ARID1B: variants seen among roughly 807,000 people sequenced by gnomAD.
The protein encoded by ARID1B is AT-rich interactive domain-containing protein 1B.
In ARID1B, 30 loss-of-function variants were observed where a neutral mutation model predicts 212.3. The ratio of observed to expected loss-of-function variants is 0.14; its 90% CI spans 0.11 to 0.19. The LOEUF is 0.19. Ranked by LOEUF, ARID1B falls within the 10% of genes least tolerant of loss-of-function variation. ARID1B has a pLI of 1.00. For missense variants in ARID1B, 2,891 were observed against 3,204.0 expected (o/e 0.90, Z 2.36); for synonymous variants, 1,402 against 1,301.7 (o/e 1.08, Z -1.66).
At chr6:156,977,910 T>C (rs1239536031) in intron 4 of ARID1B, among the ~76,000 whole-genome samples, 1 of 152,228 alleles carries the variant, frequency 6.6e-6, no homozygotes, top group Non-Finnish European at 1.5e-5. Context: ...GGGTCTGCAC[T>C]GATTCTGCCC....
intron 2 of ARID1B, among the ~76,000 whole-genome samples, chr6:156,897,264 C>CTTCTTCTTCTTCTTCTTCTTATTATTA (rs71027320): frequency 1.1e-3 from 94 of 83,570 alleles, no homozygotes; most frequent in Non-Finnish European, 1.7e-3. Flanking sequence ...TCTTCTTCTT[C>CTTCTTCTTCTTCTTCTTCTTATTATTA]TTATTATTAT....
intron 2 of ARID1B, among the ~76,000 whole-genome samples, chr6:156,885,998 T>G (rs1787471926): frequency 6.6e-6 from 1 of 152,230 alleles, no homozygotes. Context: ...TCAGAGGAGA[T>G]GCTTATTGGA....
At position 156,807,449 on chromosome 6, in the gene ARID1B, G is replaced by GTT. The variant is rs34102389; in HGVS notation, c.1792-21766_1792-21765dup. On this transcript the variant is annotated intron_variant, in intron 1 of 19. Coordinates refer to ENST00000636930, the MANE Select transcript of ARID1B (RefSeq NM_001374828.1). ...TAGAGTTTTGAGGTTTTTTCTTAAGGTTTTTTTTTTTTTGAAAAAGAGAGT... is the reference window on the plus strand; with the variant it reads ...TAGAGTTTTGAGGTTTTTTCTTAAGGTTTTTTTTTTTTTTTGAAAAAGAGAGT... 5.9e-4 allele frequency among the ~76,000 whole-genome samples: 84 copies of GTT among 142,340 alleles called. 1 individual carries two copies. The highest frequency in any genetic ancestry group is 3.6e-3 in the Middle Eastern group (1 of 276). The allele number at this position is 142,340 out of a possible 152,430, so 93.4% of individuals were successfully genotyped here.
chr6:156,863,114 A>G (rs888526529), intron 2 of ARID1B, among the ~76,000 whole-genome samples: 3 of 152,170 alleles, frequency 2.0e-5, no homozygotes, highest in Non-Finnish European at 2.9e-5. Flanking sequence ...AATGCCTGAA[A>G]TTAGCATGTT....
chr6:156,956,962 A>G (rs1165858407), intron 4 of ARID1B, among the ~76,000 whole-genome samples: 2 of 152,258 alleles, frequency 1.3e-5, no homozygotes, highest in African/African-American at 4.8e-5. Context: ...ATCTTATTAC[A>G]GACTGAATTT....
rs1320797674 is a variant in ARID1B at position 157,094,848 on chromosome 6, C to T, written c.2491+9943C>T. On this transcript the variant is annotated intron_variant, in intron 5 of 19. Coordinates refer to ENST00000636930, the MANE Select transcript of ARID1B (RefSeq NM_001374828.1). The surrounding 1 kb of genome is among the most constrained non-coding windows in gnomAD (Gnocchi z 4.3). ...GTGTTGATGGCCGCTTGGATGTGCA[C>T]ATAGCGGGAGTAGTGGCAGAAGGAG... Among the ~76,000 whole-genome samples, 1 of 152,134 alleles carries T rather than the reference C, an allele frequency of 6.6e-6. No individual in the cohort carries two copies. Among genetic ancestry groups the T allele is most frequent in the African/African-American group, 2.4e-5 (1 of 41,410 alleles).
intron 4 of ARID1B, among the ~76,000 whole-genome samples, chr6:157,040,831 G>A (rs970604075): frequency 2.0e-5 from 3 of 152,182 alleles, no homozygotes; most frequent in Non-Finnish European, 4.4e-5. Flanking sequence ...CTCATTTAAA[G>A]GTAACTTAGA....
At chr6:157,178,554 C>T (rs147161071) in intron 11 of ARID1B, among the ~76,000 whole-genome samples, 2 of 152,328 alleles carry the variant, frequency 1.3e-5, no homozygotes, top group East Asian at 3.9e-4. Flanking sequence ...AAACTGAGGC[C>T]TGACCGTGTC....
At chr6:157,082,309 C>T (rs1483803551) in intron 4 of ARID1B, among the ~76,000 whole-genome samples, 3 of 152,076 alleles carry the variant, frequency 2.0e-5, no homozygotes, top group Non-Finnish European at 4.4e-5. Flanking sequence ...GGTCAGCAAG[C>T]TTTTTCCGTT....
intron 2 of ARID1B, among the ~76,000 whole-genome samples, chr6:156,842,584 A>G (rs1562427945): frequency 1.3e-5 from 2 of 152,198 alleles, no homozygotes; most frequent in African/African-American, 4.8e-5. Flanking sequence ...GTGTACAGGT[A>G]TTTGTTTGAA....
chr6:157,165,918 A>C (rs1372285233), intron 8 of ARID1B: 1 of 152,206 alleles, frequency 6.6e-6, no homozygotes. Flanking sequence ...TAAAATGCCA[A>C]CTATTATACC....
chr6:156,943,403 T>C (rs1792823508), intron 4 of ARID1B: 1 of 147,928 alleles, frequency 6.8e-6, no homozygotes, highest in African/African-American at 2.5e-5. Flanking sequence ...AAGCCTGGAA[T>C]AAAAGAGGAG....
At chr6:157,009,420 C>T (rs753486486) in intron 4 of ARID1B, among the ~76,000 whole-genome samples, 8 of 152,008 alleles carry the variant, frequency 5.3e-5, no homozygotes, top group Admixed American at 1.3e-4. Context: ...GACAGAATAG[C>T]GGAAAAGTTG....
intron 4 of ARID1B, among the ~76,000 whole-genome samples, chr6:156,992,828 G>A (rs1366228345): frequency 2.0e-5 from 3 of 152,158 alleles, no homozygotes; most frequent in East Asian, 3.9e-4. Flanking sequence ...GGGAGCCGCC[G>A]GCTGCAGACT....
At chr6:157,152,014 A>G (rs764214540) in intron 8 of ARID1B, 3 of 152,382 alleles carry the variant, frequency 2.0e-5, no homozygotes, top group South Asian at 2.1e-4. Context: ...TAACAAATAT[A>G]GAATGAGGTA....
intron 4 of ARID1B, among the ~76,000 whole-genome samples, chr6:157,043,065 A>C (rs572361224): frequency 1.3e-5 from 2 of 152,230 alleles, no homozygotes; most frequent in Non-Finnish European, 2.9e-5. Flanking sequence ...GTATCTGAAC[A>C]TAAGATGTTA....
At position 156,877,775 on chromosome 6, in the gene ARID1B, T is replaced by C. The variant is rs1583200986; in HGVS notation, c.1987-23601T>C. 2.0e-5 allele frequency among the ~76,000 whole-genome samples: 3 copies of C among 151,792 alleles called. No homozygotes were observed. In the East Asian group the frequency reaches 5.8e-4, roughly 29 times the overall value. On this transcript the variant is annotated intron_variant, in intron 2 of 19. Coordinates refer to ENST00000636930, the MANE Select transcript of ARID1B (RefSeq NM_001374828.1). ...CCCAGGCTGAAGTGCAGTGGTGCCA[T>C]CTTGGCTCACTGCAACCTCTGCTGC... is the stretch of plus-strand genomic sequence containing the variant.
intron 4 of ARID1B, among the ~76,000 whole-genome samples, chr6:157,018,544 C>T (rs942212444): frequency 6.6e-6 from 1 of 152,168 alleles, no homozygotes; most frequent in Non-Finnish European, 1.5e-5. Context: ...TAAAACTCTG[C>T]TTCCTGGAGA....
At chr6:157,041,967 T>C (rs1260661349) in intron 4 of ARID1B, among the ~76,000 whole-genome samples, 1 of 152,164 alleles carries the variant, frequency 6.6e-6, no homozygotes, top group African/African-American at 2.4e-5. Flanking sequence ...ACTTCTTCCT[T>C]GGCACACTCT....
Sources: allele counts gnomAD v4.1 joint callset (sites outside exome capture counted in the v4.1 genomes callset), GRCh38; gene constraint gnomAD v4.1.1; non-coding constraint Gnocchi (gnomAD v3.1); transcripts MANE v1.5; gene names NCBI Gene and HGNC (gene_info 2026-07-23, HGNC 2026-07-21).